The following GAREM2 variants were observed in gnomAD, a reference collection of about 807,000 sequenced individuals.
GAREM2 encodes GRB2-associated and regulator of MAPK protein 2.
Under a neutral mutation model 55.6 loss-of-function variants are expected in GAREM2, and 30 were observed. The observed-to-expected ratio is 0.54, with a 90% CI of 0.40 to 0.73. GAREM2 has a LOEUF of 0.73. Among genes scored for constraint, GAREM2 ranks in the 30% least tolerant of loss-of-function variants. GAREM2 has a pLI of 0.00. For synonymous variants in GAREM2, 550 were observed against 569.1 expected (o/e 0.97, Z 0.48); for missense variants, 1,075 against 1,257.7 (o/e 0.85, Z 2.20).
the GAREM2 span, among the ~76,000 whole-genome samples, chr2:26,196,953 T>C: frequency 1.3e-5 from 2 of 152,216 alleles, no homozygotes; most frequent in African/African-American, 4.8e-5. Context: ...TGCTGTGTGC[T>C]AGGAAACTAG....
rs1353480149 is a variant in GAREM2 at position 26,187,373 on chromosome 2, A to G, written c.1741A>G (p.Ser581Gly). 1 of 1,547,356 alleles carries G rather than the reference A, an allele frequency of 6.5e-7. No homozygotes were observed. Residue 581 changes from serine to glycine, a missense_variant, in exon 6 of 6, where the codon AGC becomes GGC. By Grantham distance (56) the Ser-to-Gly change is moderately conservative. Transcript: ENST00000401533. ...TCCCCTACCCTCAACCACACAGCCC[A>G]GCCAGGCCTCCCGGGCCCTCACAGA... ...PGPLPSTTQP[S>G]QASRALTEPL... is the part of the protein sequence containing the mutation.
intron 4 of GAREM2, 102 bp downstream of exon 4, chr2:26,185,378 C>T: frequency 7.2e-7 from 1 of 1,383,770 alleles, no homozygotes; most frequent in Non-Finnish European, 9.3e-7. Flanking sequence ...AGGTGTCTTC[C>T]TCGGCGGGGT....
the GAREM2 span, chr2:26,201,341 G>A: frequency 1.9e-6 from 3 of 1,553,380 alleles, no homozygotes; most frequent in Admixed American, 5.0e-5. Flanking sequence ...CACATTCCTA[G>A]TTAGATGGGA....
intron 2 of GAREM2, 27 bp downstream of exon 2, chr2:26,176,511 A>C: frequency 6.6e-7 from 1 of 1,505,108 alleles, no homozygotes; most frequent in Non-Finnish European, 8.9e-7. Flanking sequence ...CAGATGTCAT[A>C]AAGCCTGTAG....
chr2:26,201,452 G>A, the GAREM2 span: 2 of 657,500 alleles, frequency 3.0e-6, no homozygotes, highest in South Asian at 3.7e-5. Flanking sequence ...CCATTTTGAG[G>A]GAGACTTTCA....
intron 5 of GAREM2, among the ~76,000 whole-genome samples, chr2:26,186,761 A>G (rs1669272176): frequency 6.6e-6 from 1 of 152,176 alleles, no homozygotes; most frequent in African/African-American, 2.4e-5. Context: ...GAATCACTTG[A>G]GGTCAGGAGT....
the GAREM2 span, among the ~76,000 whole-genome samples, chr2:26,195,782 C>A: frequency 6.6e-6 from 1 of 152,204 alleles, no homozygotes; most frequent in Non-Finnish European, 1.5e-5. Context: ...CAAGCACTGT[C>A]ATCACCTGGG....
At chr2:26,199,437 A>T in the GAREM2 span, 1 of 152,256 alleles carries the variant, frequency 6.6e-6, no homozygotes, top group Non-Finnish European at 1.5e-5. Flanking sequence ...AAGCTTACGT[A>T]GTGTCAGGTT....
chr2:26,191,555 C>T (rs1403034134), downstream of GAREM2: 2 of 1,613,996 alleles, frequency 1.2e-6, no homozygotes, highest in Non-Finnish European at 8.5e-7. Flanking sequence ...GCCAAGATCC[C>T]CTCTTGCAGG....
chr2:26,173,912 C>T (rs1360260507), intron 1 of GAREM2, among the ~76,000 whole-genome samples: 1 of 152,172 alleles, frequency 6.6e-6, no homozygotes, highest in Admixed American at 6.5e-5. Context: ...ACTCCCGGCC[C>T]TCCCCCGAAT....
At chr2:26,199,773 G>A in the GAREM2 span, among the ~76,000 whole-genome samples, 1 of 152,020 alleles carries the variant, frequency 6.6e-6, no homozygotes, top group Non-Finnish European at 1.5e-5. Context: ...AGTAGCTTCT[G>A]CTTTTGTTCT....
downstream of GAREM2, chr2:26,191,476 G>A: frequency 6.2e-7 from 1 of 1,614,142 alleles, no homozygotes; most frequent in Non-Finnish European, 8.5e-7. Context: ...CAACCTGCGA[G>A]ACCAACCTCC....
rs1669206620 is a variant in GAREM2, at chr2:26,185,213, C to G, written c.1365C>G (p.Ala455=). 3 of 1,521,784 alleles carry G rather than the reference C, an allele frequency of 2.0e-6. No homozygotes were observed. The South Asian group carries it at 3.6e-5, about 18-fold the overall frequency. 94.3% of individuals were successfully genotyped at this position (1,521,784 alleles called of 1,614,324 possible). The change falls in exon 4 of 6, where the codon GCC becomes GCG. Residue 455 remains alanine (A), a synonymous_variant. Coordinates refer to ENST00000401533, the MANE Select transcript of GAREM2 (RefSeq NM_001168241.2). ...GGCTCGATCTCATCTCCTTCGGGGCCGCGGGACCGCCGCGTCGGGAGCCGG... is the reference window on the plus strand; with the variant it reads ...GGCTCGATCTCATCTCCTTCGGGGCGGCGGGACCGCCGCGTCGGGAGCCGG... ...PPGLDLISFG[A]AGPPRREPEA...
rs889078345 is a variant in GAREM2, at chr2:26,187,535, G to A, written c.1903G>A (p.Gly635Arg). 44 of 1,534,058 alleles carry A rather than the reference G, an allele frequency of 2.9e-5. No homozygotes were observed. The highest frequency in any genetic ancestry group is 1.1e-4 in the African/African-American group (8 of 72,122). ...APFGALNPFS[G>R]PAYPSGPSAA... Reference sequence around the variant, plus strand: ...GTTTGGAGCTCTCAACCCTTTTTCCGGGCCTGCCTACCCCTCAGGCCCTTC... The same window carrying A: ...GTTTGGAGCTCTCAACCCTTTTTCCAGGCCTGCCTACCCCTCAGGCCCTTC... The change falls in exon 6 of 6, where the codon GGG becomes AGG. Residue 635 changes from glycine (G) to arginine (R), a missense_variant. Around this residue, in one of 6 missense-constraint regions of GAREM2, gnomAD observed 515 missense variants for 501.5 expected, o/e 1.03. Transcript: ENST00000401533.
chr2:26,184,592 A>T lies in GAREM2; in HGVS notation c.744A>T (p.Gln248His), dbSNP rs1158989009. 1.3e-6 allele frequency: 2 copies of T among 1,548,530 alleles called. No individual in the cohort carries two copies. The highest frequency in any genetic ancestry group is 4.9e-5 in the East Asian group (2 of 40,742). ...STRSPLELQMQEGEHTVRAII... is the reference protein window; with the variant it reads ...STRSPLELQMHEGEHTVRAII... ...GCAGCCCGCTGGAGCTGCAGATGCA[A>T]GAGGGCGAGCACACGGTGCGCGCCA... is the stretch of plus-strand genomic sequence containing the variant. The change falls in exon 4 of 6, where the codon CAA becomes CAT. Residue 248 changes from glutamine (Q) to histidine (H), a missense_variant. This residue lies in a region of GAREM2 where 170 missense variants were observed against 220.7 expected (regional missense o/e 0.77). Transcript: ENST00000401533.
downstream of GAREM2, among the ~76,000 whole-genome samples, chr2:26,189,906 A>G (rs886845125): frequency 2.0e-5 from 3 of 152,230 alleles, no homozygotes; most frequent in East Asian, 1.9e-4. Context: ...ATTCACACCT[A>G]CCTGGTGTTA....
downstream of GAREM2, chr2:26,191,540 G>C: frequency 6.2e-7 from 1 of 1,614,156 alleles, no homozygotes; most frequent in Non-Finnish European, 8.5e-7. Flanking sequence ...CCCTCTGCAG[G>C]TGTGGCCAAG....
chr2:26,195,830 CT>C, the GAREM2 span, among the ~76,000 whole-genome samples: 6 of 152,188 alleles, frequency 3.9e-5, no homozygotes, highest in Non-Finnish European at 7.4e-5. Context: ...TAGCCCAGCC[CT>C]ACTGAATCAG....
In GAREM2 at chr2:26,187,901, C is replaced by T; in HGVS notation, c.2269C>T (p.Leu757=). ...GGTGCTGCACCAGGTCCCCACCCCA[C>T]TGTCACCAGCTGCTCTGCAGGGACC... is the stretch of plus-strand genomic sequence containing the variant. ...GLVLHQVPTP[L]SPAALQGPEA... The change falls in exon 6 of 6, where the codon CTG becomes TTG. Residue 757 remains leucine (L), a synonymous_variant. Transcript: ENST00000401533. 1 of 1,438,536 alleles carries T rather than the reference C, an allele frequency of 7.0e-7. No individual in the cohort carries two copies. Among genetic ancestry groups the T allele is most frequent in the Non-Finnish European group, 9.2e-7 (1 of 1,090,968 alleles). 89.1% of individuals were successfully genotyped at this position (1,438,536 alleles called of 1,614,324 possible).
Sources: allele counts gnomAD v4.1 joint callset (sites outside exome capture counted in the v4.1 genomes callset), GRCh38; gene constraint gnomAD v4.1.1; regional missense constraint gnomAD v4.1.1; transcripts MANE v1.5; gene names NCBI Gene and HGNC (gene_info 2026-07-23, HGNC 2026-07-21).